The following OSBP variants were observed in gnomAD, a reference collection of about 807,000 sequenced individuals.
OSBP encodes the protein oxysterol-binding protein 1.
A neutral mutation model predicts 96.6 loss-of-function variants in OSBP; 32 were observed. The observed-to-expected ratio is 0.33, with a 90% CI of 0.25 to 0.45. The LOEUF (loss-of-function observed/expected upper bound fraction) is 0.45. Among genes scored for constraint, OSBP ranks in the 20% least tolerant of loss-of-function variants. The pLI is 1.00. For missense variants in OSBP, 653 were observed against 1,029.7 expected, an observed-to-expected ratio of 0.63 and a Z score of 5.01; for synonymous variants, 369 against 389.6, an observed-to-expected ratio of 0.95 and a Z score of 0.62.
At chr11:59,602,741 C>T (rs1301219985) in intron 3 of OSBP, among the ~76,000 whole-genome samples, 1 of 152,182 alleles carries the variant, frequency 6.6e-6, no homozygotes, top group East Asian at 1.9e-4. Context: ...CTACCTTAGC[C>T]CCGCTGAGCA....
intron 9 of OSBP, among the ~76,000 whole-genome samples, chr11:59,583,473 C>T (rs1245592192): frequency 6.6e-6 from 1 of 151,988 alleles, no homozygotes; most frequent in East Asian, 1.9e-4. Flanking sequence ...ATAAGGATCA[C>T]AACAATGAAG....
chr11:59,600,356 G>C, intron 7 of OSBP, 140 bp downstream of exon 7: 2 of 852,772 alleles, frequency 2.3e-6, no homozygotes, highest in Non-Finnish European at 3.6e-6. Context: ...CTAAATTTAT[G>C]GAACAGTTTA....
At chr11:59,578,103 G>A in intron 12 of OSBP, 46 bp downstream of exon 12, 1 of 1,577,790 alleles carries the variant, frequency 6.3e-7, no homozygotes, top group Non-Finnish European at 8.7e-7. Flanking sequence ...TTGCTCCACA[G>A]TCAAGGTCAA....
At chr11:59,601,878 C>T (rs765266640) in intron 3 of OSBP, 40 bp from the exon 4 acceptor site, 71 of 1,582,122 alleles carry the variant, frequency 4.5e-5, no homozygotes, top group Non-Finnish European at 6.1e-5. Flanking sequence ...CTCAACTAGT[C>T]AGAGTTTCCC....
chr11:59,593,514 C>T, intron 9 of OSBP, 90 bp downstream of exon 9: 1 of 1,447,810 alleles, frequency 6.9e-7, no homozygotes, highest in Non-Finnish European at 9.7e-7. Context: ...GACCTCCTGT[C>T]TCCTGACTCT....
intron 13 of OSBP, 36 bp downstream of exon 13, chr11:59,576,769 G>C (rs1860366206): frequency 6.2e-7 from 1 of 1,612,592 alleles, no homozygotes; most frequent in Admixed American, 1.7e-5. Context: ...CATTCTCCAT[G>C]CATCAAGAAA....
Position 59,575,629 on chromosome 11 carries a change from A to T in OSBP, c.*948T>A, listed in dbSNP as rs1860352984. ...TTGTTCCACATTAACTTCTGCTCTC[A>T]AATTCTGAAGTATATCAGAATGGGA... On this transcript the variant is annotated 3_prime_UTR_variant, in exon 14 of 14. Transcript: ENST00000263847. The T allele has an allele frequency of 1.3e-5, 2 of 152,662 alleles. No individual in the cohort carries two copies. The highest frequency in any genetic ancestry group is 2.4e-5 in the African/African-American group (1 of 41,456). 9.5% of individuals were successfully genotyped at this position (152,662 alleles called of 1,614,324 possible).
chr11:59,610,106 C>A (rs1860826381), intron 2 of OSBP, among the ~76,000 whole-genome samples: 1 of 152,110 alleles, frequency 6.6e-6, no homozygotes, highest in African/African-American at 2.4e-5. Flanking sequence ...TCAGCAGCAT[C>A]CCAGGCCTCT....
chr11:59,593,386 G>A, intron 9 of OSBP: 1 of 532,496 alleles, frequency 1.9e-6, no homozygotes, highest in Admixed American at 3.2e-5. Flanking sequence ...TAGCTAAGAG[G>A]ATAAAGAATT....
At chr11:59,596,173 C>A (rs1255573095) in intron 7 of OSBP, among the ~76,000 whole-genome samples, 4 of 151,936 alleles carry the variant, frequency 2.6e-5, no homozygotes, top group Non-Finnish European at 2.9e-5. Flanking sequence ...GAAAGACAAG[C>A]AGTATGATGA....
At chr11:59,580,071 AC>A in intron 11 of OSBP, 102 bp downstream of exon 11, 1 of 796,876 alleles carries the variant, frequency 1.3e-6, no homozygotes, top group South Asian at 1.4e-5. Flanking sequence ...AAATGTACAC[AC>A]CCCCATACCA....
intron 8 of OSBP, 111 bp from the exon 9 acceptor site, chr11:59,593,835 C>T (rs1259727082): frequency 6.8e-7 from 1 of 1,460,744 alleles, no homozygotes; most frequent in Non-Finnish European, 9.4e-7. Flanking sequence ...ACACCCACAA[C>T]AGTAGGTGAA....
chr11:59,589,588 A>G (rs1269976015), intron 9 of OSBP, among the ~76,000 whole-genome samples: 1 of 152,124 alleles, frequency 6.6e-6, no homozygotes, highest in African/African-American at 2.4e-5. Flanking sequence ...GCAACACAGC[A>G]AGACTTTGTC....
Position 59,615,589 on chromosome 11 carries a change from C to A in OSBP, c.76G>T (p.Gly26Cys). 1 of 1,373,696 alleles carries A rather than the reference C, an allele frequency of 7.3e-7. No individual in the cohort carries two copies. Among genetic ancestry groups the A allele is most frequent in the Non-Finnish European group, 9.4e-7 (1 of 1,059,878 alleles). The allele number at this position is 1,373,696 out of a possible 1,614,324, so 85.1% of individuals were successfully genotyped here. Residue 26 changes from glycine to cysteine, a missense_variant, in exon 1 of 14, where the codon GGT becomes TGT. By Grantham distance (159) the Gly-to-Cys change is radical. Transcript: ENST00000263847. ...AIAALGGGGAGPPVVGGGGGR... is the reference protein window; with the variant it reads ...AIAALGGGGACPPVVGGGGGR... ...CCGCCTCCTCCCACCACTGGGGGACCGGCGCCGCCGCCGCCAAGTGCTGCA... is the reference window on the plus strand; with the variant it reads ...CCGCCTCCTCCCACCACTGGGGGACAGGCGCCGCCGCCGCCAAGTGCTGCA...
chr11:59,602,284 C>T (rs7124813), intron 3 of OSBP, among the ~76,000 whole-genome samples: 25,909 of 152,030 alleles, frequency 0.17, 4,037 homozygotes, highest in African/African-American at 0.41. Context: ...ACAGAGAATC[C>T]ACACTGAGGT....
Position 59,615,502 on chromosome 11 carries a change from C to T in OSBP, c.163G>A (p.Ala55Thr). The T allele has an allele frequency of 8.2e-7, 1 of 1,215,110 alleles. No individual in the cohort carries two copies. Among genetic ancestry groups the T allele is most frequent in the Non-Finnish European group, 1.0e-6 (1 of 978,442 alleles). 75.3% of individuals were successfully genotyped at this position (1,215,110 alleles called of 1,614,324 possible). A position where few individuals can be genotyped will look rare whatever the true frequency, so the allele number is the denominator to read the frequency against. ...CCGGCCCCCGGGCCCGGGCCTCCCG[C>T]CGCCGCCGCGACCACCGTCCCTGAC... ...AASGTVVAAA[A>T]GGPGPGAGGV... Residue 55 changes from alanine (A) to threonine (T), a missense_variant, in exon 1 of 14, where the codon GCG becomes ACG. Physicochemically the swap from Ala to Thr is moderately conservative, Grantham distance 58 (BLOSUM62 0). Coordinates refer to ENST00000263847, the MANE Select transcript of OSBP (RefSeq NM_002556.3).
Position 59,610,556 on chromosome 11 carries a change from A to C in OSBP, c.396T>G (p.Gly132=). 6.2e-7 allele frequency: 1 copy of C among 1,614,176 alleles called. No individual in the cohort carries two copies. Among genetic ancestry groups the C allele is most frequent in the Non-Finnish European group, 8.5e-7 (1 of 1,179,994 alleles). ...SKAEMRHTCR[G]TINLATANIT... ...TGTTGGCTGTGGCGAGGTTGATGGT[A>C]CCACGGCAGGTATGTCTCATTTCTG... The change falls in exon 2 of 14, where the codon GGT becomes GGG. Residue 132 remains glycine, a synonymous_variant. Transcript: ENST00000263847.
At chr11:59,608,844 T>C (rs922954243) in intron 2 of OSBP, 110 bp from the exon 3 acceptor site, 15 of 1,103,812 alleles carry the variant, frequency 1.4e-5, no homozygotes, top group Non-Finnish European at 2.0e-5. Flanking sequence ...GTGTGCATTC[T>C]GACTCACTGA....
chr11:59,600,362 G>T, intron 7 of OSBP, 134 bp downstream of exon 7: 2 of 927,778 alleles, frequency 2.2e-6, no homozygotes, highest in South Asian at 1.7e-5. Context: ...TTATGGAACA[G>T]TTTATGATTA....
Sources: allele counts gnomAD v4.1 joint callset (sites outside exome capture counted in the v4.1 genomes callset), GRCh38; gene constraint gnomAD v4.1.1; transcripts MANE v1.5; gene names NCBI Gene and HGNC (gene_info 2026-07-23, HGNC 2026-07-21).